SNAP23: variants seen among roughly 807,000 people sequenced by gnomAD.
The protein encoded by SNAP23 is synaptosome associated protein 23.
A neutral mutation model predicts 29.0 loss-of-function variants in SNAP23; 11 were observed. That is an observed-to-expected ratio of 0.38 (90% CI 0.24 to 0.63). The LOEUF is 0.63. Among genes scored for constraint, SNAP23 ranks in the 20% least tolerant of loss-of-function variants. The pLI, the probability that SNAP23 is intolerant of heterozygous loss-of-function variation, is 0.58. For missense variants in SNAP23, 220 were observed against 253.9 expected (o/e 0.87, Z 0.91); for synonymous variants, 60 against 82.9 (o/e 0.72, Z 1.50).
At chr15:42,512,585 G>C (rs1173587970) in intron 2 of SNAP23, among the ~76,000 whole-genome samples, 1 of 151,892 alleles carries the variant, frequency 6.6e-6, no homozygotes, top group Non-Finnish European at 1.5e-5. Context: ...CACCTTGTTG[G>C]GCAGGCTGGT....
upstream of SNAP23, chr15:42,491,165 T>C (rs2057157915): frequency 6.6e-6 from 1 of 152,322 alleles, no homozygotes. Flanking sequence ...TCGCTTTTTT[T>C]TCCTTTGCCG....
intron 5 of SNAP23, among the ~76,000 whole-genome samples, chr15:42,523,713 G>A (rs1025907783): frequency 2.0e-5 from 3 of 152,240 alleles, no homozygotes; most frequent in Non-Finnish European, 4.4e-5. Flanking sequence ...TGACACTGAA[G>A]TTTGCTCAAG....
chr15:42,507,126 ACT>A (rs1448534439), intron 1 of SNAP23, among the ~76,000 whole-genome samples: 2 of 151,892 alleles, frequency 1.3e-5, no homozygotes, highest in East Asian at 3.9e-4. Flanking sequence ...CTCCAGAAAG[ACT>A]CTTTATCAGA....
intron 5 of SNAP23, among the ~76,000 whole-genome samples, chr15:42,516,917 A>G (rs2057401296): frequency 6.6e-6 from 1 of 152,068 alleles, no homozygotes; most frequent in Non-Finnish European, 1.5e-5. Context: ...TGGTTGACCA[A>G]CTGAAAGTTC....
At chr15:42,530,679 G>A (rs2057556600) in intron 7 of SNAP23, among the ~76,000 whole-genome samples, 1 of 152,194 alleles carries the variant, frequency 6.6e-6, no homozygotes, top group African/African-American at 2.4e-5. Context: ...GAGTGTAGGA[G>A]TTGAAGGCTG....
Position 42,495,655 on chromosome 15 carries a change from C to T in SNAP23, c.-73C>T, listed in dbSNP as rs8027746. 9.2e-3 allele frequency: 1,401 copies of T among 152,524 alleles called. 24 individuals are homozygous for T. The highest frequency in any genetic ancestry group is 0.032 in the African/African-American group (1,322 of 41,576). 9.4% of individuals were successfully genotyped at this position (152,524 alleles called of 1,614,324 possible). On this transcript the variant is annotated 5_prime_UTR_variant, in exon 1 of 8. Coordinates refer to ENST00000249647, the MANE Select transcript of SNAP23 (RefSeq NM_003825.4). ...GCGCAGGCGCGACTAGGGTGCAGCG[C>T]CAGGTCCGGTGTTGGGGTGTCCGAG...
chr15:42,517,457 A>C (rs2057406902), intron 5 of SNAP23, among the ~76,000 whole-genome samples: 1 of 152,224 alleles, frequency 6.6e-6, no homozygotes, highest in Non-Finnish European at 1.5e-5. Flanking sequence ...TCTCCCCTAA[A>C]ATCTTAGAGG....
rs2057573836 is a variant in SNAP23 at position 42,532,311 on chromosome 15, T to C, written c.*833T>C. ...TCACCATGTCAAGCTGGTCTTGGAC[T>C]CCTGACGTCGTGATCCACCCGCCTT... On this transcript the variant is annotated 3_prime_UTR_variant, in exon 8 of 8. Transcript: ENST00000249647. The C allele has an allele frequency of 6.6e-6, 1 of 152,070 alleles. No homozygotes were observed. The highest frequency in any genetic ancestry group is 2.4e-5 in the African/African-American group (1 of 41,396). 9.4% of individuals were successfully genotyped at this position (152,070 alleles called of 1,614,324 possible).
chr15:42,494,121 C>CA (rs1203746592), upstream of SNAP23, among the ~76,000 whole-genome samples: 2 of 151,768 alleles, frequency 1.3e-5, no homozygotes, highest in East Asian at 1.9e-4. Context: ...TAACAAAAAT[C>CA]AAAAAAACAA....
At chr15:42,513,965 C>T (rs935103982) in intron 4 of SNAP23, among the ~76,000 whole-genome samples, 2 of 151,308 alleles carry the variant, frequency 1.3e-5, no homozygotes, top group South Asian at 4.2e-4. Context: ...TGGTGCCCAC[C>T]ACCACACCCG....
At chr15:42,514,445 G>A (rs897251076) in intron 4 of SNAP23, among the ~76,000 whole-genome samples, 1 of 151,922 alleles carries the variant, frequency 6.6e-6, no homozygotes, top group African/African-American at 2.4e-5. Flanking sequence ...CACCGTGTCT[G>A]GCCAGACATT....
intron 1 of SNAP23, among the ~76,000 whole-genome samples, chr15:42,497,595 A>C (rs1439264927): frequency 6.6e-6 from 1 of 151,908 alleles, no homozygotes; most frequent in Non-Finnish European, 1.5e-5. Context: ...CACCCACCTC[A>C]TCTTCCCAAG....
intron 1 of SNAP23, among the ~76,000 whole-genome samples, chr15:42,508,049 A>T (rs1236992342): frequency 1.3e-5 from 2 of 152,032 alleles, no homozygotes; most frequent in African/African-American, 4.8e-5. Flanking sequence ...TGACCCCAAA[A>T]GTTTCAGAAG....
intron 6 of SNAP23, among the ~76,000 whole-genome samples, chr15:42,529,428 G>A (rs1047594710): frequency 3.3e-5 from 5 of 152,128 alleles, no homozygotes; most frequent in Non-Finnish European, 7.3e-5. Context: ...GTGATGCTGG[G>A]AATTAAGCTT....
intron 1 of SNAP23, among the ~76,000 whole-genome samples, chr15:42,503,942 G>A (rs933695257): frequency 2.2e-4 from 33 of 152,118 alleles, no homozygotes; most frequent in African/African-American, 7.5e-4. Flanking sequence ...TAGTTTTGGG[G>A]CCTATATATA....
At chr15:42,525,299 C>T (rs2141550679) in intron 5 of SNAP23, among the ~76,000 whole-genome samples, 1 of 146,516 alleles carries the variant, frequency 6.8e-6, no homozygotes, top group Admixed American at 6.9e-5. Context: ...ACCCGGGAGG[C>T]GGAGCTTGCA....
rs2057570037 is a variant in SNAP23 at position 42,532,015 on chromosome 15, T to C, written c.*537T>C. The C allele has an allele frequency of 6.6e-6, 1 of 152,230 alleles. No individual in the cohort carries two copies. The highest frequency in any genetic ancestry group is 1.5e-5 in the Non-Finnish European group (1 of 68,046). 9.4% of individuals were successfully genotyped at this position (152,230 alleles called of 1,614,324 possible). ...TTAGGCTAATGCTTGGTTTTGGAGC[T>C]TTTATACACAACGTTTTTGTTAGGC... is the stretch of plus-strand genomic sequence containing the variant. On this transcript the variant is annotated 3_prime_UTR_variant, in exon 8 of 8. Transcript: ENST00000249647.
intron 1 of SNAP23, among the ~76,000 whole-genome samples, chr15:42,496,416 G>A (rs1302850794): frequency 1.3e-5 from 2 of 151,814 alleles, no homozygotes; most frequent in Non-Finnish European, 2.9e-5. Context: ...TTCTCACACT[G>A]CTATAAAGAA....
chr15:42,502,341 G>C (rs2057279282), intron 1 of SNAP23, among the ~76,000 whole-genome samples: 2 of 152,168 alleles, frequency 1.3e-5, no homozygotes, highest in African/African-American at 4.8e-5. Flanking sequence ...TATATTCGCT[G>C]TCTGTAGCTT....
Sources: gnomAD v4.1 joint callset for allele counts (sites outside exome capture counted in the v4.1 genomes callset) on GRCh38, gnomAD v4.1.1 for gene constraint, MANE v1.5 for transcripts, NCBI Gene and HGNC (gene_info 2026-07-23, HGNC 2026-07-21) for gene names.